KIF2A: variants seen among roughly 807,000 people sequenced by gnomAD.
The protein encoded by KIF2A is kinesin-like protein KIF2A.
In KIF2A, 22 loss-of-function variants were observed where a neutral mutation model predicts 100.2. The ratio of observed to expected loss-of-function variants is 0.22; its 90% CI spans 0.16 to 0.31. KIF2A has a LOEUF of 0.31. KIF2A is among the 10% of genes least tolerant of loss of function. KIF2A has a pLI of 1.00. For synonymous variants in KIF2A, 268 were observed against 285.9 expected, an observed-to-expected ratio of 0.94 and a Z score of 0.63; for missense variants, 495 against 898.7, an observed-to-expected ratio of 0.55 and a Z score of 5.74.
chr5:62,388,271 C>T lies in KIF2A; in HGVS notation c.*2702C>T, dbSNP rs1208332718. The T allele has an allele frequency of 6.6e-6, 1 of 152,084 alleles. No individual in the cohort carries two copies. Among genetic ancestry groups the T allele is most frequent in the African/African-American group, 2.4e-5 (1 of 41,408 alleles). The allele number at this position is 152,084 out of a possible 1,614,324, so 9.4% of individuals were successfully genotyped here. ...CAAAACCCTCTGAAATTTTGCTAAG[C>T]CTATAGTTATCTCCCTAAGAACCAT... On this transcript the variant is annotated 3_prime_UTR_variant, in exon 21 of 21. Coordinates refer to ENST00000407818, the MANE Select transcript of KIF2A (RefSeq NM_001098511.3).
chr5:62,350,818 A>T lies in KIF2A; in HGVS notation c.334+698A>T, dbSNP rs188582630. 2.7e-3 allele frequency among the ~76,000 whole-genome samples: 417 copies of T among 151,970 alleles called. 1 individual carries two copies. Among genetic ancestry groups the T allele is most frequent in the Non-Finnish European group, 4.0e-3 (272 of 67,966 alleles). ...TCCCAGCTACTTGGGAGGCTGAGGC[A>T]GGAGAATTGCTTGAACCTGGGAGGC... On this transcript the variant is annotated intron_variant, in intron 4 of 20. Transcript: ENST00000407818.
At chr5:62,341,412 T>A (rs1747283269) in intron 1 of KIF2A, among the ~76,000 whole-genome samples, 1 of 151,994 alleles carries the variant, frequency 6.6e-6, no homozygotes, top group Non-Finnish European at 1.5e-5. Context: ...GCAATCCTCC[T>A]ACCTCAGCCT....
At chr5:62,385,453 A>G (rs767676886) in intron 20 of KIF2A, 31 bp from the exon 21 acceptor site, 3 of 1,471,824 alleles carry the variant, frequency 2.0e-6, no homozygotes, top group East Asian at 2.5e-5. Flanking sequence ...GTAATACAAT[A>G]CTTATTCCCT....
At chr5:62,379,410 C>G (rs985170022) in intron 19 of KIF2A, among the ~76,000 whole-genome samples, 3 of 152,104 alleles carry the variant, frequency 2.0e-5, no homozygotes, top group Non-Finnish European at 4.4e-5. Context: ...CACCTGTAAT[C>G]CCAGCACTTT....
intron 18 of KIF2A, among the ~76,000 whole-genome samples, chr5:62,374,273 A>G (rs1017075825): frequency 6.6e-6 from 1 of 152,148 alleles, no homozygotes; most frequent in Admixed American, 6.5e-5. Flanking sequence ...CCAGCCATCT[A>G]TTTTTACAAA....
At chr5:62,334,176 CCCTGAGGAGACAGCCTACTCTAG>C (rs1246015987) in intron 1 of KIF2A, among the ~76,000 whole-genome samples, 3 of 151,884 alleles carry the variant, frequency 2.0e-5, no homozygotes, top group Non-Finnish European at 2.9e-5. Flanking sequence ...ACCCCCCGGA[CCCTGAGGAGACAGCCTACTCTAG>C]CCTGAATAGG....
chr5:62,338,513 C>T (rs1747098452), intron 1 of KIF2A, among the ~76,000 whole-genome samples: 1 of 152,126 alleles, frequency 6.6e-6, no homozygotes, highest in Non-Finnish European at 1.5e-5. Flanking sequence ...TGGTCTCAAA[C>T]TCCTAATCTC....
chr5:62,332,897 G>A (rs1338599863), intron 1 of KIF2A, among the ~76,000 whole-genome samples: 1 of 152,034 alleles, frequency 6.6e-6, no homozygotes, highest in Admixed American at 6.6e-5. Context: ...TAAATGTTTA[G>A]GGACTCTCAG....
chr5:62,319,982 T>A (rs1390789897), intron 1 of KIF2A, among the ~76,000 whole-genome samples: 1 of 152,230 alleles, frequency 6.6e-6, no homozygotes, highest in East Asian at 1.9e-4. Flanking sequence ...AAAATATTAC[T>A]AGCTTCTTAT....
At chr5:62,351,767 G>A (rs1747865703) in intron 4 of KIF2A, among the ~76,000 whole-genome samples, 1 of 152,158 alleles carries the variant, frequency 6.6e-6, no homozygotes, top group South Asian at 2.1e-4. Flanking sequence ...GGAGCAAAGA[G>A]TGGGATTTGG....
intron 20 of KIF2A, among the ~76,000 whole-genome samples, chr5:62,384,006 G>A (rs1048423626): frequency 1.3e-5 from 2 of 152,086 alleles, no homozygotes; most frequent in Non-Finnish European, 2.9e-5. Flanking sequence ...GGAGGCTGAG[G>A]CAGGTAGATC....
Position 62,353,507 on chromosome 5 carries a change from T to C in KIF2A, c.558+132T>C, listed in dbSNP as rs534399520. On this transcript the variant is annotated intron_variant, in intron 6 of 20. Transcript: ENST00000407818. ...ATTTTAAGAATTCCTTAAATTGATATTGAGGAATAATATAAACTCTTGTGC... is the reference window on the plus strand; with the variant it reads ...ATTTTAAGAATTCCTTAAATTGATACTGAGGAATAATATAAACTCTTGTGC... The C allele has an allele frequency of 9.9e-5, 47 of 472,498 alleles. 1 individual carries two copies. The highest frequency in any genetic ancestry group is 1.6e-4 in the Non-Finnish European group (41 of 262,354). The allele number at this position is 472,498 out of a possible 1,614,324, so 29.3% of individuals were successfully genotyped here.
In KIF2A at chr5:62,388,823, A is replaced by G. The variant is rs1051195275; in HGVS notation, c.*3254A>G. 36 of 615,782 alleles carry G rather than the reference A, an allele frequency of 5.8e-5. No individual in the cohort carries two copies. Among genetic ancestry groups the G allele is most frequent in the Non-Finnish European group, 9.0e-5 (31 of 345,178 alleles). The allele number at this position is 615,782 out of a possible 1,614,324, so 38.1% of individuals were successfully genotyped here. ...ATTGGACCAGCATTATATATTAAAAACTTTGATACTTAGAACTTTCCAACT... is the reference window on the plus strand; with the variant it reads ...ATTGGACCAGCATTATATATTAAAAGCTTTGATACTTAGAACTTTCCAACT... On this transcript the variant is annotated 3_prime_UTR_variant, in exon 21 of 21. Coordinates refer to ENST00000407818, the MANE Select transcript of KIF2A (RefSeq NM_001098511.3).
chr5:62,335,970 A>G, intron 1 of KIF2A, among the ~76,000 whole-genome samples: 1 of 152,232 alleles, frequency 6.6e-6, no homozygotes. Flanking sequence ...TAGAATTTTC[A>G]AATCTGACCT....
chr5:62,323,271 T>C (rs1317698557), intron 1 of KIF2A, among the ~76,000 whole-genome samples: 4 of 128,784 alleles, frequency 3.1e-5, no homozygotes, highest in East Asian at 4.6e-4. Context: ...AAAAAAAATC[T>C]GAGAAAGATG....
At chr5:62,372,325 C>T in intron 16 of KIF2A, 113 bp from the exon 17 acceptor site, 2 of 662,446 alleles carry the variant, frequency 3.0e-6, no homozygotes, top group South Asian at 3.5e-5. Flanking sequence ...ATTGTCACAA[C>T]AATATCAATA....
chr5:62,371,539 T>TGTA (rs1741329271), intron 16 of KIF2A, among the ~76,000 whole-genome samples: 1 of 152,234 alleles, frequency 6.6e-6, no homozygotes, highest in South Asian at 2.1e-4. Context: ...ACATAGGCTT[T>TGTA]GTACTCAGGG....
intron 1 of KIF2A, among the ~76,000 whole-genome samples, chr5:62,343,964 A>C (rs115727428): frequency 2.6e-5 from 4 of 152,184 alleles, no homozygotes; most frequent in African/African-American, 9.6e-5. Flanking sequence ...CATAGTGATT[A>C]ATAGCAAGTA....
In KIF2A at chr5:62,381,141, T is replaced by C. The variant is rs1414914621; in HGVS notation, c.2037T>C (p.Asp679=). 1.9e-6 allele frequency: 3 copies of C among 1,611,364 alleles called. No homozygotes were observed. The highest frequency in any genetic ancestry group is 3.3e-5 in the Admixed American group (2 of 59,992). ...AGGAATCTATTCGGTGGTTAGAAGA[T>C]GAAAAGGCCCTCTTAGAGATGACTG... is the stretch of plus-strand genomic sequence containing the variant. ...VFQESIRWLE[D]EKALLEMTEE... Residue 679 remains aspartate (D), a synonymous_variant, in exon 20 of 21, where the codon GAT becomes GAC. Transcript: ENST00000407818.
Sources: allele counts gnomAD v4.1 joint callset (sites outside exome capture counted in the v4.1 genomes callset), GRCh38; gene constraint gnomAD v4.1.1; transcripts MANE v1.5; gene names NCBI Gene and HGNC (gene_info 2026-07-23, HGNC 2026-07-21).